Variants in AVEN observed in about 807,000 individuals in gnomAD.
The protein encoded by AVEN is apoptosis and caspase activation inhibitor, also known as cell death regulator Aven.
In AVEN, 41 loss-of-function variants were observed where a neutral mutation model predicts 38.1. The ratio of observed to expected loss-of-function variants is 1.08; its 90% CI spans 0.84 to 1.40. The LOEUF is 1.40. AVEN is among the 40% of genes most tolerant of loss of function. The pLI is 0.00. For missense variants in AVEN, 605 were observed against 438.8 expected (o/e 1.38, Z -3.38); for synonymous variants, 206 against 171.8 (o/e 1.20, Z -1.56).
downstream of AVEN, among the ~76,000 whole-genome samples, chr15:33,857,458 G>A (rs994304893): frequency 6.6e-6 from 1 of 152,038 alleles, no homozygotes; most frequent in Admixed American, 6.5e-5. Flanking sequence ...TTTGAAGGCT[G>A]TATCTCCATC....
intron 2 of AVEN, among the ~76,000 whole-genome samples, chr15:33,882,239 C>G (rs889373128): frequency 6.6e-6 from 1 of 152,010 alleles, no homozygotes; most frequent in African/African-American, 2.4e-5. Context: ...ATAAGAATAC[C>G]AAAATATTAG....
intron 2 of AVEN, among the ~76,000 whole-genome samples, chr15:33,901,703 C>A (rs1317183840): frequency 6.6e-6 from 1 of 152,154 alleles, no homozygotes; most frequent in East Asian, 1.9e-4. Flanking sequence ...TAACAGCCAT[C>A]CTAATGAACA....
At chr15:34,041,919 G>A (rs536102241), upstream of AVEN, among the ~76,000 whole-genome samples, 1 of 152,226 alleles carries the variant, frequency 6.6e-6, no homozygotes, top group East Asian at 1.9e-4. Flanking sequence ...TCAGAAGTCC[G>A]GGGGTATGTT....
intron 5 of AVEN, among the ~76,000 whole-genome samples, chr15:34,048,328 G>C (rs1968497): frequency 0.14 from 20,456 of 147,252 alleles, 2,353 homozygotes; most frequent in East Asian, 0.36. Context: ...GCCGCCATCT[G>C]TGTGGTTTGG....
intron 5 of AVEN, among the ~76,000 whole-genome samples, chr15:34,050,182 C>T (rs966088572): frequency 2.6e-5 from 4 of 152,182 alleles, no homozygotes; most frequent in Non-Finnish European, 5.9e-5. Context: ...GCCCCCATGC[C>T]TGGCCTCAAC....
intron 1 of AVEN, among the ~76,000 whole-genome samples, chr15:34,031,127 T>C (rs1204529361): frequency 6.8e-6 from 1 of 147,520 alleles, no homozygotes; most frequent in African/African-American, 2.6e-5. Context: ...GAGTTTTTTT[T>C]TGTAACAGCC....
intron 5 of AVEN, among the ~76,000 whole-genome samples, 158 bp downstream of exon 5, chr15:33,867,335 CAG>C (rs1165140011): frequency 1.3e-4 from 19 of 151,194 alleles, no homozygotes; most frequent in Admixed American, 8.5e-4. Context: ...AAGGTCAGCT[CAG>C]GGGGAAGCAG....
At chr15:34,070,585 T>TGATC (rs1900606890) in intron 2 of AVEN, among the ~76,000 whole-genome samples, 1 of 152,034 alleles carries the variant, frequency 6.6e-6, no homozygotes, top group Middle Eastern at 3.2e-3. Flanking sequence ...CATAAATGGG[T>TGATC]ACCTTTATGA....
Position 34,063,299 on chromosome 15 carries a change from T to C in AVEN, n.1260A>G. 6.2e-7 allele frequency: 1 copy of C among 1,614,160 alleles called. No individual in the cohort carries two copies. On this transcript the variant is annotated non_coding_transcript_exon_variant, in exon 5 of 12. Coordinates refer to the AVEN transcript ENST00000675287. This position sits in a 1 kb window ranked among gnomAD's most constrained non-coding sequence, Gnocchi z 4.1. ...AGTTTCTCTCTGAGCCCACCATCAC[T>C]TTTGGCACTGCCATTGCTGCCTTCT...
chr15:33,989,450 TAA>T (rs568555472), intron 2 of AVEN, among the ~76,000 whole-genome samples: 29 of 142,412 alleles, frequency 2.0e-4, no homozygotes, highest in African/African-American at 2.3e-4. Flanking sequence ...GTTTGGAGTT[TAA>T]AAAAAAAAAA....
intron 2 of AVEN, among the ~76,000 whole-genome samples, chr15:33,935,480 ATATATGTG>A (rs1338049868): frequency 2.3e-4 from 5 of 21,758 alleles, no homozygotes; most frequent in Non-Finnish European, 1.6e-3. Flanking sequence ...ATATTTGTGT[ATATATGTG>A]TATATATATG....
At chr15:34,014,752 C>A (rs1897808931) in intron 1 of AVEN, among the ~76,000 whole-genome samples, 1 of 152,156 alleles carries the variant, frequency 6.6e-6, no homozygotes. Context: ...ACTCCAACAG[C>A]TGGTGAGTTC....
chr15:33,866,446 A>ATTCT lies in AVEN; in HGVS notation c.*163_*166dup. The stretch of plus-strand genomic sequence containing the variant: ...CAAATGCAACAAGCTGCTTCAATGT[A>ATTCT]TTCTTTCAGATGTCAAACACAGAGG... On this transcript the variant is annotated 3_prime_UTR_variant, in exon 6 of 6. Transcript: ENST00000306730. 1 of 600,328 alleles carries ATTCT rather than the reference A, an allele frequency of 1.7e-6. No homozygotes were observed. Among genetic ancestry groups the ATTCT allele is most frequent in the Non-Finnish European group, 3.0e-6 (1 of 337,496 alleles). 37.2% of individuals were successfully genotyped at this position (600,328 alleles called of 1,614,324 possible). A position where few individuals can be genotyped will look rare whatever the true frequency, so the allele number is the denominator to read the frequency against.
At chr15:33,996,000 T>C (rs895115569) in intron 2 of AVEN, among the ~76,000 whole-genome samples, 3 of 127,756 alleles carry the variant, frequency 2.3e-5, no homozygotes, top group African/African-American at 9.1e-5. Flanking sequence ...TTTCCAACAG[T>C]CTTAGCAAAT....
At chr15:33,910,185 T>A (rs1326900437) in intron 2 of AVEN, among the ~76,000 whole-genome samples, 2 of 150,982 alleles carry the variant, frequency 1.3e-5, no homozygotes, top group African/African-American at 2.4e-5. Flanking sequence ...TTGTTAAAAA[T>A]GAGTCTCCTT....
intron 3 of AVEN, among the ~76,000 whole-genome samples, chr15:33,873,470 T>C (rs553531877): frequency 4.0e-5 from 6 of 148,670 alleles, no homozygotes; most frequent in Non-Finnish European, 7.4e-5. Flanking sequence ...AAATTACATA[T>C]ATGTGTGTGT....
chr15:34,042,482 C>T (rs564147356), upstream of AVEN, among the ~76,000 whole-genome samples: 2 of 148,484 alleles, frequency 1.3e-5, no homozygotes, highest in East Asian at 4.0e-4. Flanking sequence ...CTCACCACAA[C>T]CTCTGCCTCC....
intron 11 of AVEN, chr15:33,861,167 A>T (rs765655604): frequency 8.8e-6 from 14 of 1,588,104 alleles, no homozygotes; most frequent in Non-Finnish European, 1.2e-5. Context: ...AGCACAACTT[A>T]GCCAACTACT....
downstream of AVEN, chr15:33,858,120 A>G: frequency 1.5e-6 from 1 of 646,194 alleles, no homozygotes; most frequent in South Asian, 2.1e-5. Flanking sequence ...GGTAGTTTTC[A>G]TTACCACACA....
Sources: gnomAD v4.1 joint callset for allele counts (sites outside exome capture counted in the v4.1 genomes callset) on GRCh38, gnomAD v4.1.1 for gene constraint, Gnocchi (gnomAD v3.1) non-coding constraint, MANE v1.5 for transcripts, NCBI Gene and HGNC (gene_info 2026-07-23, HGNC 2026-07-21) for gene names.